Variants in ENTREP2 observed in about 807,000 individuals in gnomAD.
ENTREP2 encodes the protein endosomal transmembrane epsin interactor 2.
chr15:29,599,400 C>A, the ENTREP2 span, among the ~76,000 whole-genome samples: 1 of 152,266 alleles, frequency 6.6e-6, no homozygotes, highest in South Asian at 2.1e-4. Context: ...CCCTAGAACT[C>A]CCTTGGTCCA....
chr15:29,575,457 T>A, the ENTREP2 span, among the ~76,000 whole-genome samples: 3 of 152,162 alleles, frequency 2.0e-5, no homozygotes, highest in Non-Finnish European at 4.4e-5. Flanking sequence ...TGACATGTGG[T>A]GAATGTCCAC....
At chr15:29,612,885 A>G in the ENTREP2 span, 1,556 of 152,440 alleles carry the variant, frequency 0.01, 32 homozygotes, top group African/African-American at 0.036. Context: ...ATAAGAAAAG[A>G]AACAGCTTGC....
the ENTREP2 span, among the ~76,000 whole-genome samples, chr15:29,247,997 A>AAGCCTGAACTCT: frequency 6.6e-6 from 1 of 152,220 alleles, no homozygotes; most frequent in Non-Finnish European, 1.5e-5. Flanking sequence ...GCCAGTTTTC[A>AAGCCTGAACTCT]AGCCTGATCT....
the ENTREP2 span, among the ~76,000 whole-genome samples, chr15:29,570,327 C>T: frequency 6.6e-6 from 1 of 151,764 alleles, no homozygotes; most frequent in Non-Finnish European, 1.5e-5. Context: ...AGCGGCGAGC[C>T]GGGCCCTGGA....
the ENTREP2 span, among the ~76,000 whole-genome samples, chr15:29,272,778 T>C: frequency 6.6e-6 from 1 of 152,232 alleles, no homozygotes; most frequent in African/African-American, 2.4e-5. Flanking sequence ...GGGACCCATA[T>C]TCCAAAATTG....
At chr15:29,508,850 A>G in the ENTREP2 span, among the ~76,000 whole-genome samples, 1 of 152,206 alleles carries the variant, frequency 6.6e-6, no homozygotes, top group African/African-American at 2.4e-5. Flanking sequence ...CAAGATAAGG[A>G]TGCCCTCTCT....
chr15:29,490,051 G>A, the ENTREP2 span, among the ~76,000 whole-genome samples: 1 of 152,200 alleles, frequency 6.6e-6, no homozygotes, highest in African/African-American at 2.4e-5. Context: ...GAATTATATA[G>A]TCAAAGGTGG....
At chr15:29,457,520 C>T in the ENTREP2 span, among the ~76,000 whole-genome samples, 3 of 152,174 alleles carry the variant, frequency 2.0e-5, no homozygotes, top group Non-Finnish European at 2.9e-5. Context: ...AGGGGCATCA[C>T]GAGAGACAGG....
chr15:29,317,944 C>A, the ENTREP2 span, among the ~76,000 whole-genome samples: 1 of 152,126 alleles, frequency 6.6e-6, no homozygotes, highest in South Asian at 2.1e-4. Context: ...GGCTTTTGCA[C>A]GGTGGCAATG....
the ENTREP2 span, among the ~76,000 whole-genome samples, chr15:29,253,746 T>C: frequency 6.6e-6 from 1 of 152,086 alleles, no homozygotes; most frequent in African/African-American, 2.4e-5. Flanking sequence ...CGGCCAATAT[T>C]GTCTCTCTTT....
At chr15:29,512,875 G>C in the ENTREP2 span, among the ~76,000 whole-genome samples, 75,430 of 152,022 alleles carry the variant, frequency 0.5, 19,915 homozygotes, top group African/African-American at 0.69. Context: ...CTGGTAAACT[G>C]TCAGATATTG....
At chr15:29,210,773 T>C in the ENTREP2 span, among the ~76,000 whole-genome samples, 2 of 152,208 alleles carry the variant, frequency 1.3e-5, no homozygotes, top group Admixed American at 6.5e-5. Context: ...TCTTGGAAAC[T>C]GCGAGTAATA....
chr15:29,256,300 C>T, the ENTREP2 span, among the ~76,000 whole-genome samples: 1 of 152,124 alleles, frequency 6.6e-6, no homozygotes, highest in Non-Finnish European at 1.5e-5. Flanking sequence ...ACCCAGGTAA[C>T]AAACCTGCAC....
chr15:29,270,544 C>A, the ENTREP2 span, among the ~76,000 whole-genome samples: 1 of 152,212 alleles, frequency 6.6e-6, no homozygotes, highest in Non-Finnish European at 1.5e-5. Context: ...ATGCTGCAAA[C>A]AAACGTGCAC....
At chr15:29,389,939 C>G in the ENTREP2 span, among the ~76,000 whole-genome samples, 1 of 152,186 alleles carries the variant, frequency 6.6e-6, no homozygotes, top group Non-Finnish European at 1.5e-5. Context: ...AACACTGACA[C>G]AGGTCCAAAT....
the ENTREP2 span, among the ~76,000 whole-genome samples, chr15:29,129,502 A>G: frequency 1.3e-5 from 2 of 152,086 alleles, no homozygotes; most frequent in East Asian, 3.9e-4. Flanking sequence ...TACATTTTAG[A>G]GACAAGGTCT....
chr15:29,546,830 T>G, the ENTREP2 span, among the ~76,000 whole-genome samples: 3 of 143,316 alleles, frequency 2.1e-5, no homozygotes, highest in African/African-American at 7.9e-5. Context: ...GAACTTGCAG[T>G]GAGCCAAGAT....
chr15:29,644,102 T>C, the ENTREP2 span, among the ~76,000 whole-genome samples: 6 of 152,182 alleles, frequency 3.9e-5, no homozygotes, highest in Non-Finnish European at 7.3e-5. Flanking sequence ...ATATCATTTG[T>C]CAAGAAGAAT....
chr15:29,405,350 T>C, the ENTREP2 span, among the ~76,000 whole-genome samples: 1 of 150,950 alleles, frequency 6.6e-6, no homozygotes, highest in Non-Finnish European at 1.5e-5. Flanking sequence ...GATTGCACCA[T>C]TGCACTCCAG....
Sources: allele counts gnomAD v4.1 joint callset (sites outside exome capture counted in the v4.1 genomes callset), GRCh38; gene constraint gnomAD v4.1.1; transcripts MANE v1.5; gene names NCBI Gene and HGNC (gene_info 2026-07-23, HGNC 2026-07-21).